ANK1: variants seen among roughly 807,000 people sequenced by gnomAD.
The protein encoded by ANK1 is ankyrin-1.
ANK1 carries 51 observed loss-of-function variants against 210.4 expected under a neutral mutation model. The observed-to-expected ratio is 0.24, with a 90% CI of 0.19 to 0.31. ANK1 has a LOEUF of 0.31. Among genes scored for constraint, ANK1 ranks in the 10% least tolerant of loss-of-function variants. The probability of loss-of-function intolerance (pLI) is 1.00; values close to 1 mark genes in which losing one functional copy is unlikely to be tolerated. For synonymous variants in ANK1, 967 were observed against 1,025.9 expected (o/e 0.94, Z 1.10); for missense variants, 2,051 against 2,504.4 (o/e 0.82, Z 3.86).
chr8:41,820,592 G>C (rs1804093631), intron 1 of ANK1, among the ~76,000 whole-genome samples: 1 of 152,078 alleles, frequency 6.6e-6, no homozygotes, highest in East Asian at 1.9e-4. Context: ...AGGGGTCCCA[G>C]GATCCTGTAG....
chr8:41,825,017 T>C (rs1457006344), intron 1 of ANK1, among the ~76,000 whole-genome samples: 1 of 152,206 alleles, frequency 6.6e-6, no homozygotes, highest in Non-Finnish European at 1.5e-5. Flanking sequence ...ATTTCACAAG[T>C]TACCAACAGA....
intron 1 of ANK1, among the ~76,000 whole-genome samples, chr8:41,839,387 C>A (rs767263820): frequency 1.3e-5 from 2 of 152,214 alleles, no homozygotes; most frequent in Non-Finnish European, 2.9e-5. Context: ...GATATAAACC[C>A]ACTCTCCGCC....
intron 1 of ANK1, among the ~76,000 whole-genome samples, chr8:41,859,891 A>G (rs1812952098): frequency 6.6e-6 from 1 of 152,238 alleles, no homozygotes; most frequent in African/African-American, 2.4e-5. Context: ...ACCAGCTGGA[A>G]GAATTGATGT....
chr8:41,688,324 G>A (rs1563425013), intron 34 of ANK1, 94 bp from the exon 35 acceptor site: 3 of 1,464,982 alleles, frequency 2.0e-6, no homozygotes, highest in South Asian at 2.3e-5. Flanking sequence ...GCTTCCGTGT[G>A]CACTGGGGTG....
In ANK1 at chr8:41,723,435, G is replaced by A. The variant is rs554763510; in HGVS notation, c.810+100C>T. 5.0e-6 allele frequency: 7 copies of A among 1,391,816 alleles called. No homozygotes were observed. The East Asian group carries it at 1.4e-4, about 27-fold the overall frequency. The allele number at this position is 1,391,816 out of a possible 1,614,324, so 86.2% of individuals were successfully genotyped here. Reference sequence around the variant, plus strand: ...CAGGCGGCTCCGGGAGGCTGGTGGTGCATCCCTAACTAGGTCACCAAGGGC... The same window carrying A: ...CAGGCGGCTCCGGGAGGCTGGTGGTACATCCCTAACTAGGTCACCAAGGGC... On this transcript the variant is annotated intron_variant, in intron 8 of 42. Transcript: ENST00000289734.
At chr8:41,874,225 G>C (rs1816132073) in intron 1 of ANK1, among the ~76,000 whole-genome samples, 1 of 152,204 alleles carries the variant, frequency 6.6e-6, no homozygotes, top group African/African-American at 2.4e-5. Flanking sequence ...CTGTCTCAGG[G>C]ACACCCTTGT....
Position 41,718,147 on chromosome 8 carries a change from G to C in ANK1, c.1165C>G (p.Leu389Val), listed in dbSNP as rs770040612. ...ATCGAGGCTCCCGTCTTCAGCAGCA[G>C]CTCCATGACACGGACGTGGTTCTTT... ...CKKNHVRVME[L>V]LLKTGASIDA... Residue 389 changes from leucine to valine, a missense_variant, in exon 11 of 43, where the codon CTG (leucine) becomes GTG (valine). Transcript: ENST00000289734. The C allele has an allele frequency of 1.2e-6, 2 of 1,613,972 alleles. No homozygotes were observed. The highest frequency in any genetic ancestry group is 4.5e-5 in the East Asian group (2 of 44,892).
At chr8:41,701,983 T>C in intron 21 of ANK1, 69 bp downstream of exon 21, 1 of 1,517,008 alleles carries the variant, frequency 6.6e-7, no homozygotes, top group Non-Finnish European at 9.1e-7. Context: ...ACTTCCAGAG[T>C]AACCCCAGGC....
At chr8:41,688,111 G>A in intron 35 of ANK1, 45 bp downstream of exon 35, 1 of 1,577,302 alleles carries the variant, frequency 6.3e-7, no homozygotes, top group Non-Finnish European at 8.7e-7. Context: ...GAAGAGGGTA[G>A]GTGAGATGGA....
At chr8:41,867,908 G>A (rs1408928795) in intron 1 of ANK1, among the ~76,000 whole-genome samples, 1 of 152,242 alleles carries the variant, frequency 6.6e-6, no homozygotes, top group Non-Finnish European at 1.5e-5. Context: ...CGTCCAGGCT[G>A]GAGTACAGCG....
chr8:41,761,449 A>G (rs567357184), intron 1 of ANK1, among the ~76,000 whole-genome samples: 15 of 152,176 alleles, frequency 9.9e-5, no homozygotes, highest in Non-Finnish European at 1.2e-4. Context: ...AGAGCCAGAG[A>G]CTGGAGTGAC....
intron 2 of ANK1, among the ~76,000 whole-genome samples, chr8:41,740,668 C>T (rs1278969400): frequency 6.6e-6 from 1 of 152,186 alleles, no homozygotes; most frequent in Non-Finnish European, 1.5e-5. Context: ...TGCGTGCACT[C>T]TATATACACA....
Position 41,655,712 on chromosome 8 carries a change from CAG to C in ANK1, c.*76_*77del, listed in dbSNP as rs1353114025. 1 of 1,613,918 alleles carries C rather than the reference CAG, an allele frequency of 6.2e-7. No individual in the cohort carries two copies. Among genetic ancestry groups the C allele is most frequent in the Admixed American group, 1.7e-5 (1 of 60,012 alleles). The stretch of plus-strand genomic sequence containing the variant: ...TCCAGCTCTCCTCCTGTGTGCATGG[CAG>C]AGTGTGTGGGGTTCAGGGGTTGGGT... On this transcript the variant is annotated 3_prime_UTR_variant, in exon 43 of 43. Transcript: ENST00000289734.
At chr8:41,831,655 AGAAGAAG>A (rs750065825) in intron 1 of ANK1, among the ~76,000 whole-genome samples, 28 of 128,616 alleles carry the variant, frequency 2.2e-4, no homozygotes, top group East Asian at 6.7e-4. Flanking sequence ...AAAAAAAAAA[AGAAGAAG>A]AAAAAGAAAA....
intron 38 of ANK1, 38 bp downstream of exon 38, chr8:41,672,316 G>C: frequency 6.2e-7 from 1 of 1,606,176 alleles, no homozygotes; most frequent in South Asian, 1.1e-5. Flanking sequence ...GAGCCCAGAA[G>C]ACAAAAAGGG....
At chr8:41,696,220 G>T in intron 26 of ANK1, 143 bp downstream of exon 26, 1 of 902,144 alleles carries the variant, frequency 1.1e-6, no homozygotes, top group Non-Finnish European at 1.8e-6. Context: ...CCCTCTCAGG[G>T]CTATGGACAC....
intron 1 of ANK1, among the ~76,000 whole-genome samples, chr8:41,876,091 T>C (rs1453742201): frequency 6.6e-6 from 1 of 152,038 alleles, no homozygotes; most frequent in Admixed American, 6.5e-5. Flanking sequence ...TCACGCCTCC[T>C]GCCCAAATAT....
chr8:41,773,458 G>A (rs974494188), intron 1 of ANK1, among the ~76,000 whole-genome samples: 1 of 152,180 alleles, frequency 6.6e-6, no homozygotes, highest in Non-Finnish European at 1.5e-5. Context: ...CACACACACA[G>A]GGGTTCCCCT....
chr8:41,804,564 G>A (rs1243163050), intron 1 of ANK1, among the ~76,000 whole-genome samples: 2 of 152,088 alleles, frequency 1.3e-5, no homozygotes, highest in Admixed American at 6.5e-5. Context: ...TCTCTCCCTG[G>A]CTATGAGAGG....
Sources: allele counts gnomAD v4.1 joint callset (sites outside exome capture counted in the v4.1 genomes callset), GRCh38; gene constraint gnomAD v4.1.1; transcripts MANE v1.5; gene names NCBI Gene and HGNC (gene_info 2026-07-23, HGNC 2026-07-21).